SNURF: variants seen among roughly 807,000 people sequenced by gnomAD.
The protein encoded by SNURF is SNURF protein.
SNURF carries 6 observed loss-of-function variants against 11.6 expected under a neutral mutation model. That is an observed-to-expected ratio of 0.52 (90% CI 0.28 to 1.02). SNURF has a LOEUF of 1.02. Ranked by LOEUF, SNURF falls within the 50% of genes least tolerant of loss-of-function variation. The probability of loss-of-function intolerance (pLI) is 0.09; values close to 1 mark genes in which losing one functional copy is unlikely to be tolerated. For missense variants in SNURF, 84 were observed against 88.4 expected, an observed-to-expected ratio of 0.95 and a Z score of 0.20; for synonymous variants, 29 against 31.6, an observed-to-expected ratio of 0.92 and a Z score of 0.27.
chr15:24,961,493 C>T (rs2074802169), intron 1 of SNURF, among the ~76,000 whole-genome samples: 1 of 152,090 alleles, frequency 6.6e-6, no homozygotes, highest in Non-Finnish European at 1.5e-5. Context: ...ATTTCATGTT[C>T]TGTTCCCTTG....
At chr15:24,959,917 C>G (rs776736838) in intron 1 of SNURF, among the ~76,000 whole-genome samples, 6 of 152,066 alleles carry the variant, frequency 3.9e-5, no homozygotes, top group Non-Finnish European at 7.4e-5. Context: ...GAAATTTTGT[C>G]TTTTTGGAAG....
Position 24,967,913 on chromosome 15 carries a change from T to C in SNURF, c.111-19T>C. 1 of 1,598,712 alleles carries C rather than the reference T, an allele frequency of 6.3e-7. No individual in the cohort carries two copies. Among genetic ancestry groups the C allele is most frequent in the Non-Finnish European group, 8.6e-7 (1 of 1,166,134 alleles). On this transcript the variant is annotated intron_variant, in intron 2 of 2. Coordinates refer to ENST00000577949, the Ensembl canonical transcript of SNURF. ...CAAATGTATTTTTATCATTTATATA[T>C]ATTGTGCTCTTGTTGTAGGTGTCAG...
chr15:24,978,600 T>TA (rs2077325327), downstream of SNURF: 1 of 721,336 alleles, frequency 1.4e-6, no homozygotes, highest in Non-Finnish European at 2.3e-6. Flanking sequence ...GTTGTATATA[T>TA]TTTTTTGCCT....
At chr15:24,977,963 G>A (rs775519454), downstream of SNURF, 63 of 1,495,014 alleles carry the variant, frequency 4.2e-5, no homozygotes, top group East Asian at 1.4e-3. Flanking sequence ...TCTGATGAGA[G>A]ATAGCTTACT....
intron 1 of SNURF, among the ~76,000 whole-genome samples, chr15:24,957,245 T>G (rs2063085213): frequency 6.6e-6 from 1 of 152,200 alleles, no homozygotes; most frequent in Admixed American, 6.5e-5. Context: ...TGATGGCTCT[T>G]CCCGACTAAG....
intron 4 of SNURF, among the ~76,000 whole-genome samples, chr15:24,975,674 T>A (rs2076975569): frequency 6.6e-6 from 1 of 152,222 alleles, no homozygotes; most frequent in African/African-American, 2.4e-5. Flanking sequence ...TAGGTCAGAG[T>A]CTGCATCTGA....
At chr15:24,966,459 A>C (rs1210220833) in intron 2 of SNURF, among the ~76,000 whole-genome samples, 2 of 152,114 alleles carry the variant, frequency 1.3e-5, no homozygotes, top group African/African-American at 4.8e-5. Flanking sequence ...CATTATGTTG[A>C]CAAGATTGAA....
At chr15:24,967,911 T>G in intron 2 of SNURF, 21 bp from the exon 3 acceptor site, 1 of 1,594,068 alleles carries the variant, frequency 6.3e-7, no homozygotes, top group Non-Finnish European at 8.6e-7. Context: ...ATCATTTATA[T>G]ATATTGTGCT....
chr15:24,965,301 G>T (rs1256420769), intron 2 of SNURF, among the ~76,000 whole-genome samples: 2 of 152,144 alleles, frequency 1.3e-5, no homozygotes, highest in South Asian at 2.1e-4. Flanking sequence ...ACTTTGGGAG[G>T]CGAAGGTGGG....
chr15:24,974,064 G>GT (rs2076783506), intron 3 of SNURF, among the ~76,000 whole-genome samples: 1 of 152,170 alleles, frequency 6.6e-6, no homozygotes, highest in Admixed American at 6.5e-5. Context: ...ATGACGCTTA[G>GT]TTTTTGAAAC....
intron 4 of SNURF, chr15:24,975,512 A>G: frequency 6.2e-7 from 1 of 1,612,620 alleles, no homozygotes; most frequent in Non-Finnish European, 8.5e-7. Flanking sequence ...AAGATCAAGT[A>G]AGGCTGATTT....
At chr15:24,963,443 C>T (rs906750678) in intron 2 of SNURF, among the ~76,000 whole-genome samples, 10 of 151,792 alleles carry the variant, frequency 6.6e-5, no homozygotes, top group African/African-American at 1.9e-4. Flanking sequence ...GGTGAAACCC[C>T]GTCTCTCCTA....
intron 1 of SNURF, among the ~76,000 whole-genome samples, chr15:24,960,385 G>T (rs1362306116): frequency 6.6e-6 from 1 of 152,028 alleles, no homozygotes; most frequent in Non-Finnish European, 1.5e-5. Flanking sequence ...TGTCACCCAG[G>T]CTGGTGTGCC....
At chr15:24,973,680 G>A (rs934985714), downstream of SNURF, among the ~76,000 whole-genome samples, 26 of 152,276 alleles carry the variant, frequency 1.7e-4, no homozygotes, top group African/African-American at 6.0e-4. Context: ...GATTACAGGC[G>A]TGAGCCACCT....
At chr15:24,976,677 G>A (rs1183090099) in intron 5 of SNURF, among the ~76,000 whole-genome samples, 3 of 152,126 alleles carry the variant, frequency 2.0e-5, no homozygotes, top group Non-Finnish European at 4.4e-5. Context: ...TAAAAGAGGT[G>A]TTTTCACAAT....
At chr15:24,967,980 G>A in exon 3 of SNURF, 1 of 1,614,114 alleles carries the variant, frequency 6.2e-7, no homozygotes, top group Non-Finnish European at 8.5e-7. Context: ...TACCTGTGGT[G>A]GATTTCCAGG....
intron 1 of SNURF, among the ~76,000 whole-genome samples, chr15:24,955,384 G>A (rs193021746): frequency 1.6e-4 from 24 of 152,140 alleles, no homozygotes; most frequent in Admixed American, 1.5e-3. Context: ...CAGTGGGCAA[G>A]GGACATGGGT....
chr15:24,966,516 C>T (rs927667810), intron 2 of SNURF, among the ~76,000 whole-genome samples: 1 of 152,120 alleles, frequency 6.6e-6, no homozygotes, highest in Non-Finnish European at 1.5e-5. Context: ...CCTGCCCTCC[C>T]AGGAGGGCTT....
At chr15:24,965,024 C>T (rs1027864825) in intron 2 of SNURF, among the ~76,000 whole-genome samples, 12 of 152,176 alleles carry the variant, frequency 7.9e-5, no homozygotes, top group African/African-American at 2.9e-4. Context: ...CCCCCTTGTG[C>T]GTTTTCATTT....
Sources: gnomAD v4.1 joint callset for allele counts (sites outside exome capture counted in the v4.1 genomes callset) on GRCh38, gnomAD v4.1.1 for gene constraint, MANE v1.5 for transcripts, NCBI Gene and HGNC (gene_info 2026-07-23, HGNC 2026-07-21) for gene names.